NRXN3: variants seen among roughly 807,000 people sequenced by gnomAD.
NRXN3 encodes neurexin 3.
In NRXN3, 32 loss-of-function variants were observed where a neutral mutation model predicts 137.6. The ratio of observed to expected loss-of-function variants is 0.23; its 90% CI spans 0.18 to 0.31. The LOEUF (loss-of-function observed/expected upper bound fraction) is 0.31. NRXN3 is among the 10% of genes least tolerant of loss of function. NRXN3 has a pLI of 1.00. For synonymous variants in NRXN3, 798 were observed against 784.5 expected, an observed-to-expected ratio of 1.02 and a Z score of -0.29; for missense variants, 1,574 against 2,062.5, an observed-to-expected ratio of 0.76 and a Z score of 4.59.
chr14:78,253,412 G>A (rs1432802603), intron 2 of NRXN3, among the ~76,000 whole-genome samples: 2 of 152,138 alleles, frequency 1.3e-5, no homozygotes, highest in Non-Finnish European at 2.9e-5. Flanking sequence ...TGTGGCTCAC[G>A]CCTGCAATCC....
intron 1 of NRXN3, among the ~76,000 whole-genome samples, chr14:78,181,761 A>C (rs549532615): frequency 6.6e-6 from 1 of 152,202 alleles, no homozygotes; most frequent in East Asian, 1.9e-4. Context: ...CTCATTTTAA[A>C]TTTTTCTTCT....
chr14:79,828,812 TGA>T (rs1210995604), intron 20 of NRXN3, among the ~76,000 whole-genome samples: 3 of 152,030 alleles, frequency 2.0e-5, no homozygotes, highest in African/African-American at 7.2e-5. Flanking sequence ...ACAGCCTGAT[TGA>T]GAGAGACTCA....
intron 15 of NRXN3, among the ~76,000 whole-genome samples, chr14:79,094,973 A>AGTGTGTGTGT (rs1442448952): frequency 6.8e-4 from 64 of 94,758 alleles, no homozygotes; most frequent in African/African-American, 2.4e-3. Context: ...AGAGAGAGAG[A>AGTGTGTGTGT]GAGAGAGTGT....
chr14:78,990,386 T>TTTTTC (rs71303848), intron 15 of NRXN3, among the ~76,000 whole-genome samples: 1 of 143,218 alleles, frequency 7.0e-6, no homozygotes, highest in Non-Finnish European at 1.5e-5. Context: ...TTTTTTTTTT[T>TTTTTC]GAGACGGAGT....
intron 15 of NRXN3, among the ~76,000 whole-genome samples, chr14:79,185,632 A>AT (rs1032606030): frequency 6.6e-5 from 10 of 151,760 alleles, no homozygotes; most frequent in Admixed American, 3.3e-4. Context: ...CGCCCGGCTA[A>AT]TTTTTTGTAT....
intron 16 of NRXN3, among the ~76,000 whole-genome samples, chr14:79,598,308 T>C (rs1016050380): frequency 1.3e-5 from 2 of 152,110 alleles, no homozygotes; most frequent in African/African-American, 2.4e-5. Flanking sequence ...CAGGTCATGG[T>C]TATCAGTTTG....
At chr14:79,355,560 TG>T (rs2153402084) in intron 15 of NRXN3, among the ~76,000 whole-genome samples, 1 of 152,350 alleles carries the variant, frequency 6.6e-6, no homozygotes, top group Non-Finnish European at 1.5e-5. Flanking sequence ...CTGGTCAAAG[TG>T]GGATGACAGT....
intron 4 of NRXN3, among the ~76,000 whole-genome samples, chr14:78,370,463 A>G (rs1329102084): frequency 6.6e-6 from 1 of 152,156 alleles, no homozygotes; most frequent in Non-Finnish European, 1.5e-5. Flanking sequence ...AGAATTCTTT[A>G]AACTTTTACT....
chr14:78,529,787 C>G (rs771904602), intron 4 of NRXN3, among the ~76,000 whole-genome samples: 66 of 152,162 alleles, frequency 4.3e-4, no homozygotes, highest in Non-Finnish European at 8.2e-4. Flanking sequence ...GACTCCCATG[C>G]TGGGCCATCT....
intron 19 of NRXN3, among the ~76,000 whole-genome samples, chr14:79,770,955 C>T (rs1450740160): frequency 6.6e-6 from 1 of 152,092 alleles, no homozygotes; most frequent in Non-Finnish European, 1.5e-5. Flanking sequence ...CACCACCGAT[C>T]CCACAGAAAT....
At chr14:79,730,313 C>T (rs1224667073) in intron 19 of NRXN3, among the ~76,000 whole-genome samples, 2 of 152,080 alleles carry the variant, frequency 1.3e-5, no homozygotes, top group East Asian at 1.9e-4. Flanking sequence ...CTGAAGCCAC[C>T]GTAGTCCCTG....
At chr14:78,450,725 C>A (rs2094531697) in intron 4 of NRXN3, among the ~76,000 whole-genome samples, 1 of 152,138 alleles carries the variant, frequency 6.6e-6, no homozygotes, top group Non-Finnish European at 1.5e-5. Flanking sequence ...ATTCACAGGA[C>A]TTCATTTTCC....
chr14:78,817,170 G>A (rs1426392500), intron 10 of NRXN3, among the ~76,000 whole-genome samples: 2 of 152,170 alleles, frequency 1.3e-5, no homozygotes, highest in East Asian at 1.9e-4. Context: ...GGACACTGGA[G>A]CCAAATAGCC....
chr14:79,321,256 T>A (rs1286372694), intron 15 of NRXN3, among the ~76,000 whole-genome samples: 1 of 152,166 alleles, frequency 6.6e-6, no homozygotes, highest in African/African-American at 2.4e-5. Context: ...AATGAGTTTG[T>A]TAGATTTCAA....
intron 10 of NRXN3, among the ~76,000 whole-genome samples, chr14:78,910,889 T>C (rs533930941): frequency 6.6e-6 from 1 of 152,294 alleles, no homozygotes; most frequent in Admixed American, 6.5e-5. Flanking sequence ...GATGTTCAGA[T>C]GACTTTTTCT....
chr14:79,730,136 A>G (rs2098916556), intron 19 of NRXN3, among the ~76,000 whole-genome samples: 1 of 152,196 alleles, frequency 6.6e-6, no homozygotes, highest in South Asian at 2.1e-4. Flanking sequence ...GGAGTTTGAT[A>G]GGGAAGGGCT....
At chr14:78,957,991 ACAAT>A (rs1342464921) in intron 11 of NRXN3, among the ~76,000 whole-genome samples, 5 of 152,234 alleles carry the variant, frequency 3.3e-5, no homozygotes, top group African/African-American at 4.8e-5. Flanking sequence ...AGAGCTCCAC[ACAAT>A]CAATAAGTAT....
chr14:79,467,209 T>C lies in NRXN3; in HGVS notation c.3263-12T>C. The C allele has an allele frequency of 6.3e-7, 1 of 1,590,816 alleles. No homozygotes were observed. Among genetic ancestry groups the C allele is most frequent in the Non-Finnish European group, 8.6e-7 (1 of 1,162,074 alleles). On this transcript the variant is annotated splice_polypyrimidine_tract_variant and intron_variant, in intron 15 of 20. Transcript: ENST00000335750. ...AGTGCCTTGATGTCTCCCTCTCTCCTTGCTTTTGCAGCTGGCGCTACGTAC... is the reference window on the plus strand; with the variant it reads ...AGTGCCTTGATGTCTCCCTCTCTCCCTGCTTTTGCAGCTGGCGCTACGTAC...
chr14:79,778,232 T>G (rs1278129933), intron 19 of NRXN3, among the ~76,000 whole-genome samples: 1 of 152,102 alleles, frequency 6.6e-6, no homozygotes, highest in Non-Finnish European at 1.5e-5. Context: ...CCGGCCAGCA[T>G]GGTGAAACCC....
Sources: allele counts gnomAD v4.1 joint callset (sites outside exome capture counted in the v4.1 genomes callset), GRCh38; gene constraint gnomAD v4.1.1; transcripts MANE v1.5; gene names NCBI Gene and HGNC (gene_info 2026-07-23, HGNC 2026-07-21).